GAB2: variants seen among roughly 807,000 people sequenced by gnomAD.
GAB2 encodes the protein GRB2 associated binding protein 2.
A neutral mutation model predicts 65.5 loss-of-function variants in GAB2; 26 were observed. That is an observed-to-expected ratio of 0.40 (90% CI 0.29 to 0.55). The LOEUF is 0.55. Ranked by LOEUF, GAB2 falls within the 20% of genes least tolerant of loss-of-function variation. The probability of loss-of-function intolerance (pLI) is 0.53; values close to 1 mark genes in which losing one functional copy is unlikely to be tolerated. For missense variants in GAB2, 884 were observed against 875.8 expected, an observed-to-expected ratio of 1.01 and a Z score of -0.12; for synonymous variants, 321 against 329.6, an observed-to-expected ratio of 0.97 and a Z score of 0.28.
chr11:78,379,833 C>G (rs750013348), intron 1 of GAB2, among the ~76,000 whole-genome samples: 9 of 146,298 alleles, frequency 6.2e-5, no homozygotes, highest in Non-Finnish European at 1.1e-4. Context: ...TTGCTAAGAT[C>G]TTCTAGTAAG....
intron 1 of GAB2, among the ~76,000 whole-genome samples, chr11:78,301,608 C>G (rs1233761534): frequency 6.6e-6 from 1 of 152,176 alleles, no homozygotes; most frequent in African/African-American, 2.4e-5. Flanking sequence ...GTTGGGATTA[C>G]AGGCGTGAGC....
chr11:78,309,971 T>TGCGCGCGC (rs1330078501), intron 1 of GAB2, among the ~76,000 whole-genome samples: 25 of 120,132 alleles, frequency 2.1e-4, no homozygotes, highest in African/African-American at 8.9e-4. Flanking sequence ...TGTGTGTGTG[T>TGCGCGCGC]GCGCGCGCGC....
At chr11:78,229,102 G>T (rs746812745) in intron 3 of GAB2, among the ~76,000 whole-genome samples, 1 of 152,190 alleles carries the variant, frequency 6.6e-6, no homozygotes, top group African/African-American at 2.4e-5. Context: ...TCAAGTAGGG[G>T]TGAGTATGTA....
intron 1 of GAB2, among the ~76,000 whole-genome samples, chr11:78,350,414 G>A (rs1226814276): frequency 1.3e-5 from 2 of 152,148 alleles, no homozygotes; most frequent in Admixed American, 6.5e-5. Context: ...TTTTAACAAA[G>A]GCCCAGCGTT....
At position 78,220,285 on chromosome 11, in the gene GAB2, G is replaced by C. The variant is rs567766397; in HGVS notation, c.1887+34C>G. 43 of 1,610,514 alleles carry C rather than the reference G, an allele frequency of 2.7e-5. No homozygotes were observed. The African/African-American group carries it at 4.4e-4, about 16-fold the overall frequency. On this transcript the variant is annotated intron_variant, in intron 9 of 9. Transcript: ENST00000361507. The stretch of plus-strand genomic sequence containing the variant: ...GATCTCTGCCTCCGGGACCCTGAGA[G>C]CTCTTACTGCCCCCCCAACTCTACT...
At chr11:78,307,795 G>C (rs1282385043) in intron 1 of GAB2, among the ~76,000 whole-genome samples, 1 of 152,218 alleles carries the variant, frequency 6.6e-6, no homozygotes, top group Non-Finnish European at 1.5e-5. Context: ...GAATATAACA[G>C]TGTAATGGTT....
chr11:78,334,795 G>A (rs1419647514), intron 1 of GAB2, among the ~76,000 whole-genome samples: 1 of 152,178 alleles, frequency 6.6e-6, no homozygotes, highest in Non-Finnish European at 1.5e-5. Context: ...GGATCACATG[G>A]TAGCTCTATT....
intron 1 of GAB2, among the ~76,000 whole-genome samples, chr11:78,395,289 A>C (rs144385375): frequency 0.011 from 1,629 of 152,320 alleles, 27 homozygotes; most frequent in African/African-American, 0.037. Flanking sequence ...CCGTGTCTCT[A>C]CTAAAAGTAC....
At chr11:78,219,561 G>C in intron 9 of GAB2, 146 bp from the exon 10 acceptor site, 1 of 717,722 alleles carries the variant, frequency 1.4e-6, no homozygotes, top group Non-Finnish European at 2.4e-6. Context: ...CAGGAGCCTG[G>C]CTTCTCTTTC....
At chr11:78,322,021 T>A (rs1855734193) in intron 1 of GAB2, among the ~76,000 whole-genome samples, 1 of 151,928 alleles carries the variant, frequency 6.6e-6, no homozygotes, top group South Asian at 2.1e-4. Context: ...ATGCAAGATC[T>A]CAGCTGGGCA....
chr11:78,241,154 C>A (rs1196643778), intron 3 of GAB2, among the ~76,000 whole-genome samples: 1 of 152,238 alleles, frequency 6.6e-6, no homozygotes, highest in Non-Finnish European at 1.5e-5. Flanking sequence ...GCTGCACAAA[C>A]TTCTATAGTC....
At chr11:78,300,885 G>A (rs961922327) in intron 1 of GAB2, among the ~76,000 whole-genome samples, 3 of 151,892 alleles carry the variant, frequency 2.0e-5, no homozygotes, top group Non-Finnish European at 4.4e-5. Context: ...AGTAGAAATG[G>A]AGTTTCACCA....
chr11:78,337,672 T>C (rs1002755086), intron 1 of GAB2, among the ~76,000 whole-genome samples: 5 of 152,234 alleles, frequency 3.3e-5, no homozygotes, highest in African/African-American at 1.2e-4. Flanking sequence ...GTGCAGCTAA[T>C]GGTGAGAAGT....
chr11:78,417,618 GC>G, intron 1 of GAB2, 27 bp downstream of exon 1: 2 of 1,207,152 alleles, frequency 1.7e-6, no homozygotes, highest in Non-Finnish European at 1.1e-6. Context: ...CCCCCCGCCC[GC>G]CCCTGGGCGG....
intron 1 of GAB2, among the ~76,000 whole-genome samples, chr11:78,401,307 CCTAGCCCCTGGCAA>C (rs1856968819): frequency 6.6e-6 from 1 of 152,168 alleles, no homozygotes; most frequent in African/African-American, 2.4e-5. Context: ...GTCCCCTACC[CCTAGCCCCTGGCAA>C]CTAGCACTAG....
intron 1 of GAB2, among the ~76,000 whole-genome samples, chr11:78,408,948 T>C (rs1016218781): frequency 9.2e-5 from 14 of 152,114 alleles, no homozygotes; most frequent in African/African-American, 3.4e-4. Flanking sequence ...TCTTGATAAA[T>C]TACCCAGTCT....
At position 78,217,752 on chromosome 11, in the gene GAB2, T is replaced by C. The variant is rs1864221155; in HGVS notation, c.*1520A>G. The C allele has an allele frequency of 6.6e-6, 1 of 150,912 alleles. No individual in the cohort carries two copies. The highest frequency in any genetic ancestry group is 6.6e-5 in the Admixed American group (1 of 15,146). 9.3% of individuals were successfully genotyped at this position (150,912 alleles called of 1,614,324 possible). On this transcript the variant is annotated 3_prime_UTR_variant, in exon 10 of 10. Transcript: ENST00000361507. ...GGCCTTTCAAACCTGGGGAGGAGAG[T>C]CCAAGATGGCTCCTGGAATGCTAGG... is the stretch of plus-strand genomic sequence containing the variant.
intron 1 of GAB2, among the ~76,000 whole-genome samples, chr11:78,412,631 T>A (rs543407602): frequency 1.3e-5 from 2 of 152,352 alleles, no homozygotes; most frequent in East Asian, 3.9e-4. Flanking sequence ...TTTTGCAAGA[T>A]GTTACCATTA....
At chr11:78,411,061 T>G (rs1055549557) in intron 1 of GAB2, among the ~76,000 whole-genome samples, 3 of 145,752 alleles carry the variant, frequency 2.1e-5, no homozygotes, top group African/African-American at 7.8e-5. Flanking sequence ...GCTGAGACAG[T>G]AGGATCACCT....
Sources: allele counts gnomAD v4.1 joint callset (sites outside exome capture counted in the v4.1 genomes callset), GRCh38; gene constraint gnomAD v4.1.1; transcripts MANE v1.5; gene names NCBI Gene and HGNC (gene_info 2026-07-23, HGNC 2026-07-21).